SYDE1: variants seen among roughly 807,000 people sequenced by gnomAD.
The protein encoded by SYDE1 is synapse defective Rho GTPase activating protein 1.
In SYDE1, 34 loss-of-function variants were observed where a neutral mutation model predicts 63.3. The ratio of observed to expected loss-of-function variants is 0.54; its 90% CI spans 0.41 to 0.71. The LOEUF (loss-of-function observed/expected upper bound fraction) is 0.71, where lower values mean the gene tolerates loss of function less well. Ranked by LOEUF, SYDE1 falls within the 30% of genes least tolerant of loss-of-function variation. The probability of loss-of-function intolerance (pLI) is 0.00; values close to 1 mark genes in which losing one functional copy is unlikely to be tolerated. For missense variants in SYDE1, 925 were observed against 1,042.5 expected (o/e 0.89, Z 1.55); for synonymous variants, 467 against 473.4 (o/e 0.99, Z 0.18).
chr19:15,113,983 C>A lies in SYDE1; in HGVS notation c.*20C>A, dbSNP rs1353764099. 6.2e-7 allele frequency: 1 copy of A among 1,600,764 alleles called. No individual in the cohort carries two copies. Among genetic ancestry groups the A allele is most frequent in the Non-Finnish European group, 8.5e-7 (1 of 1,171,860 alleles). Reference sequence around the variant, plus strand: ...CTCTGAGCCAGATGACGGGGTGGGACCCCGGTTAGTAAGGACCGGGCGCCC... The same window carrying A: ...CTCTGAGCCAGATGACGGGGTGGGAACCCGGTTAGTAAGGACCGGGCGCCC... On this transcript the variant is annotated 3_prime_UTR_variant, in exon 8 of 8. Transcript: ENST00000342784.
chr19:15,112,664 G>A (rs2046353173), intron 7 of SYDE1, 93 bp downstream of exon 7: 3 of 1,109,370 alleles, frequency 2.7e-6, no homozygotes, highest in South Asian at 3.3e-5. Flanking sequence ...TAGGCTTGAA[G>A]CTACGCCCCC....
rs1324484161 is a variant in SYDE1, at chr19:15,108,495, G to T, written c.89-561G>T. ...CCCAGGATGGCGACAGAGTTTGGAA[G>T]ACAGGAGGGAGGGTAAAAGGGGCAG... On this transcript the variant is annotated intron_variant, in intron 1 of 7. Transcript: ENST00000342784. This position sits in a 1 kb window ranked among gnomAD's most constrained non-coding sequence, Gnocchi z 4.3. Among the ~76,000 whole-genome samples, 1 of 152,172 alleles carries T rather than the reference G, an allele frequency of 6.6e-6. No individual in the cohort carries two copies. Among genetic ancestry groups the T allele is most frequent in the Non-Finnish European group, 1.5e-5 (1 of 68,026 alleles).
chr19:15,109,553 C>T lies in SYDE1; in HGVS notation c.431-151C>T, dbSNP rs561267346. 1.0e-5 allele frequency: 10 copies of T among 996,168 alleles called. No homozygotes were observed. The highest frequency in any genetic ancestry group is 6.9e-5 in the South Asian group (4 of 58,122). The allele number at this position is 996,168 out of a possible 1,614,324, so 61.7% of individuals were successfully genotyped here. ...GAGCACCAGCCTCACATCCCCACCC[C>T]GTCAGATGCTCCCAGAGGAGCATCA... On this transcript the variant is annotated intron_variant, in intron 2 of 7. Transcript: ENST00000342784. The surrounding 1 kb of genome is among the most constrained non-coding windows in gnomAD (Gnocchi z 5.0).
chr19:15,112,697 G>A, intron 7 of SYDE1, 126 bp downstream of exon 7: 1 of 767,572 alleles, frequency 1.3e-6, no homozygotes, highest in East Asian at 2.8e-5. Flanking sequence ...CTGGTACCTG[G>A]TTGCCTCAGC....
chr19:15,113,496 C>T, intron 7 of SYDE1, 64 bp from the exon 8 acceptor site: 1 of 1,491,506 alleles, frequency 6.7e-7, no homozygotes, highest in Non-Finnish European at 8.9e-7. Context: ...GAGCCTAGTT[C>T]CCTAAGCAGC....
Position 15,111,244 on chromosome 19 carries a change from C to T in SYDE1, c.1291-69C>T, listed in dbSNP as rs1171040555. 5.8e-6 allele frequency: 9 copies of T among 1,563,324 alleles called. No homozygotes were observed. The highest frequency in any genetic ancestry group is 2.7e-5 in the African/African-American group (2 of 73,980). Reference sequence around the variant, plus strand: ...CTGCCTGGCCCAGAATTCCAGTGCTCACCCCACTGGGCCCTGATTAGTCTG... The same window carrying T: ...CTGCCTGGCCCAGAATTCCAGTGCTTACCCCACTGGGCCCTGATTAGTCTG... On this transcript the variant is annotated intron_variant, in intron 4 of 7. Transcript: ENST00000342784. The surrounding 1 kb of genome is among the most constrained non-coding windows in gnomAD (Gnocchi z 5.5).
At chr19:15,113,250 G>C (rs944730192) in intron 7 of SYDE1, among the ~76,000 whole-genome samples, 6 of 152,072 alleles carry the variant, frequency 3.9e-5, no homozygotes, top group Non-Finnish European at 7.4e-5. Flanking sequence ...GTGTTGGCCA[G>C]GCTGGTCTTG....
In SYDE1 at chr19:15,113,878, A is replaced by C; in HGVS notation, c.2123A>C (p.Asn708Thr). Residue 708 changes from asparagine (N) to threonine (T), a missense_variant, in exon 8 of 8, where the codon AAC (asparagine) becomes ACC (threonine). Transcript: ENST00000342784. Reference protein sequence around the residue: ...DFEDDFDAPFNPHLNLKDFDA... With the variant: ...DFEDDFDAPFTPHLNLKDFDA... ...GAAGACGACTTCGATGCGCCCTTCA[A>C]CCCGCACCTGAATCTCAAAGACTTC... 1 of 1,614,120 alleles carries C rather than the reference A, an allele frequency of 6.2e-7. No individual in the cohort carries two copies. Among genetic ancestry groups the C allele is most frequent in the South Asian group, 1.1e-5 (1 of 91,066 alleles).
Position 15,111,727 on chromosome 19 carries a change from A to G in SYDE1, c.1513A>G (p.Asn505Asp). ...GGAGGCCATGGCCCGGGACCCCCCAAACAGAGTTCCCCCCACCACTGAGGG... is the reference window on the plus strand; with the variant it reads ...GGAGGCCATGGCCCGGGACCCCCCAGACAGAGTTCCCCCCACCACTGAGGG... ...VLEAMARDPP[N>D]RVPPTTEGTR... Residue 505 changes from asparagine to aspartate, a missense_variant, in exon 6 of 8, where the codon AAC becomes GAC. Around this residue, in one of 3 missense-constraint regions of SYDE1, gnomAD observed 71 missense variants for 132.8 expected, o/e 0.53. Coordinates refer to ENST00000342784, the MANE Select transcript of SYDE1 (RefSeq NM_033025.6). The surrounding 1 kb of genome is among the most constrained non-coding windows in gnomAD (Gnocchi z 5.5). 1.3e-6 allele frequency: 2 copies of G among 1,581,858 alleles called. No individual in the cohort carries two copies. Among genetic ancestry groups the G allele is most frequent in the Non-Finnish European group, 1.7e-6 (2 of 1,156,014 alleles).
rs1599323131 is a variant in SYDE1, at chr19:15,110,359, C to A, written c.1075+11C>A. Reference sequence around the variant, plus strand: ...CCACGGTCTTCCGAGGTAGGACATGCGGCTGCAGGGGAGGAGGGGCAGGGA... The same window carrying A: ...CCACGGTCTTCCGAGGTAGGACATGAGGCTGCAGGGGAGGAGGGGCAGGGA... On this transcript the variant is annotated intron_variant, in intron 3 of 7. Coordinates refer to ENST00000342784, the MANE Select transcript of SYDE1 (RefSeq NM_033025.6). This position sits in a 1 kb window ranked among gnomAD's most constrained non-coding sequence, Gnocchi z 6.9. 3 of 1,434,248 alleles carry A rather than the reference C, an allele frequency of 2.1e-6. No homozygotes were observed. The highest frequency in any genetic ancestry group is 3.0e-5 in the South Asian group (2 of 67,730). The allele number at this position is 1,434,248 out of a possible 1,614,324, so 88.8% of individuals were successfully genotyped here. A position where few individuals can be genotyped will look rare whatever the true frequency, so the allele number is the denominator to read the frequency against.
chr19:15,109,529 AGCACCAGCCTCACATCCCCACCC>A lies in SYDE1; in HGVS notation c.430+133_431-152del, dbSNP rs2046328080. ...ACCTCACACTCCTTCCCTTCAGGGG[AGCACCAGCCTCACATCCCCACCC>A]CGTCAGATGCTCCCAGAGGAGCATC... On this transcript the variant is annotated intron_variant, in intron 2 of 7. Transcript: ENST00000342784. The surrounding 1 kb of genome is among the most constrained non-coding windows in gnomAD (Gnocchi z 5.0). 8.6e-7 allele frequency: 1 copy of A among 1,164,158 alleles called. No individual in the cohort carries two copies. The highest frequency in any genetic ancestry group is 1.2e-6 in the Non-Finnish European group (1 of 847,714). The allele number at this position is 1,164,158 out of a possible 1,614,324, so 72.1% of individuals were successfully genotyped here. A position where few individuals can be genotyped will look rare whatever the true frequency, so the allele number is the denominator to read the frequency against.
In SYDE1 at chr19:15,111,575, C is replaced by T. The variant is rs979243434; in HGVS notation, c.1418-57C>T. 2 of 1,607,756 alleles carry T rather than the reference C, an allele frequency of 1.2e-6. No individual in the cohort carries two copies. The highest frequency in any genetic ancestry group is 1.1e-5 in the South Asian group (1 of 90,460). On this transcript the variant is annotated intron_variant, in intron 5 of 7. Transcript: ENST00000342784. The surrounding 1 kb of genome is among the most constrained non-coding windows in gnomAD (Gnocchi z 5.5). ...ACCTCCTCTTCCCCCTTAGCTGTGC[C>T]CTCCTTAGCCTTAGAAGCCAGTGGT...
Position 15,113,939 on chromosome 19 carries a change from C to A in SYDE1, c.2184C>A (p.Ser728=). 4 of 1,612,924 alleles carry A rather than the reference C, an allele frequency of 2.5e-6. No homozygotes were observed. Among genetic ancestry groups the A allele is most frequent in the Non-Finnish European group, 3.4e-6 (4 of 1,179,270 alleles). The change falls in exon 8 of 8, where the codon TCC becomes TCA. Residue 728 remains serine, a synonymous_variant. Transcript: ENST00000342784. ...TCCTGGATCTGGAGAGAGAGCTCTCCAAGCAAATCAACGTGTGCCTCTGAG... is the reference window on the plus strand; with the variant it reads ...TCCTGGATCTGGAGAGAGAGCTCTCAAAGCAAATCAACGTGTGCCTCTGAG... ...ALILDLEREL[S]KQINVCL is the part of the protein sequence containing the mutation.
Position 15,110,255 on chromosome 19 carries a change from C to A in SYDE1, c.982C>A (p.Leu328Ile). The change falls in exon 3 of 8, where the codon CTC (leucine) becomes ATC (isoleucine). Residue 328 changes from leucine (L) to isoleucine (I), a missense_variant. Around this residue, in one of 3 missense-constraint regions of SYDE1, gnomAD observed 599 missense variants for 653.7 expected, o/e 0.92. Coordinates refer to ENST00000342784, the MANE Select transcript of SYDE1 (RefSeq NM_033025.6). The surrounding 1 kb of genome is among the most constrained non-coding windows in gnomAD (Gnocchi z 6.9). ...CCACCTGGAGCTGGAGGCCGCCAGG[C>A]TCCTGCGCGCCCTGGTGCTTGCGTG... ...TFHLELEAAR[L>I]LRALVLAWDP... 5 of 1,414,406 alleles carry A rather than the reference C, an allele frequency of 3.5e-6. No homozygotes were observed. Among genetic ancestry groups the A allele is most frequent in the Non-Finnish European group, 4.6e-6 (5 of 1,087,580 alleles). The allele number at this position is 1,414,406 out of a possible 1,614,324, so 87.6% of individuals were successfully genotyped here.
chr19:15,111,942 T>C lies in SYDE1; in HGVS notation c.1578+150T>C, dbSNP rs563615989. The C allele has an allele frequency of 1.2e-6, 1 of 862,860 alleles. No homozygotes were observed. The highest frequency in any genetic ancestry group is 2.0e-5 in the South Asian group (1 of 50,892). The allele number at this position is 862,860 out of a possible 1,614,324, so 53.5% of individuals were successfully genotyped here. A position where few individuals can be genotyped will look rare whatever the true frequency, so the allele number is the denominator to read the frequency against. On this transcript the variant is annotated intron_variant, in intron 6 of 7. Coordinates refer to ENST00000342784, the MANE Select transcript of SYDE1 (RefSeq NM_033025.6). This position sits in a 1 kb window ranked among gnomAD's most constrained non-coding sequence, Gnocchi z 5.5. ...TGCTATTAGCATCCCACTTCATAGA[T>C]TTGGAAACTGAGGCCCAAAGCAGGT...
In SYDE1 at chr19:15,113,982, AC is replaced by A. The variant is rs1568330636; in HGVS notation, c.*23del. ...CCTCTGAGCCAGATGACGGGGTGGG[AC>A]CCCGGTTAGTAAGGACCGGGCGCCC... On this transcript the variant is annotated 3_prime_UTR_variant, in exon 8 of 8. Transcript: ENST00000342784. The A allele has an allele frequency of 1.9e-6, 3 of 1,601,444 alleles. No homozygotes were observed. The highest frequency in any genetic ancestry group is 2.6e-6 in the Non-Finnish European group (3 of 1,172,210).
In SYDE1 at chr19:15,109,211, C is replaced by A. The variant is rs999280549; in HGVS notation, c.244C>A (p.Arg82=). The change falls in exon 2 of 8, where the codon CGA becomes AGA. Residue 82 remains arginine, a synonymous_variant. Coordinates refer to ENST00000342784, the MANE Select transcript of SYDE1 (RefSeq NM_033025.6). This position sits in a 1 kb window ranked among gnomAD's most constrained non-coding sequence, Gnocchi z 5.0. ...YLQSLEPSSR[R]WVLGGAKPAE... is the part of the protein sequence containing the mutation. ...GCAAAGCCTGGAGCCCAGTAGCCGC[C>A]GATGGGTGCTGGGTGGGGCCAAGCC... 3 of 1,572,126 alleles carry A rather than the reference C, an allele frequency of 1.9e-6. No individual in the cohort carries two copies. The highest frequency in any genetic ancestry group is 1.9e-5 in the Admixed American group (1 of 52,636).
Position 15,108,856 on chromosome 19 carries a change from AG to A in SYDE1, c.89-195del. On this transcript the variant is annotated intron_variant, in intron 1 of 7. Coordinates refer to ENST00000342784, the MANE Select transcript of SYDE1 (RefSeq NM_033025.6). This position sits in a 1 kb window ranked among gnomAD's most constrained non-coding sequence, Gnocchi z 4.3. Reference sequence around the variant, plus strand: ...CCTTTTGGGATGCCAGGGACTGAGTAGGGGGTGCTCTAAGCTGATAACTGAG... The same window carrying A: ...CCTTTTGGGATGCCAGGGACTGAGTAGGGGTGCTCTAAGCTGATAACTGAG... 1.3e-6 allele frequency: 1 copy of A among 753,998 alleles called. No individual in the cohort carries two copies. Among genetic ancestry groups the A allele is most frequent in the Non-Finnish European group, 1.9e-6 (1 of 519,524 alleles). 46.7% of individuals were successfully genotyped at this position (753,998 alleles called of 1,614,324 possible). A position where few individuals can be genotyped will look rare whatever the true frequency, so the allele number is the denominator to read the frequency against.
In SYDE1 at chr19:15,111,120, G is replaced by A. The variant is rs928952554; in HGVS notation, c.1291-193G>A. On this transcript the variant is annotated intron_variant, in intron 4 of 7. Transcript: ENST00000342784. This position sits in a 1 kb window ranked among gnomAD's most constrained non-coding sequence, Gnocchi z 5.5. ...CCTCAAAGAAGTGTCAGTTTCCTAA[G>A]TCAAAGGAGATGGCAGCCAAGACAA... 1.2e-4 allele frequency among the ~76,000 whole-genome samples: 18 copies of A among 152,268 alleles called. No homozygotes were observed. The South Asian group carries it at 2.1e-3, about 18-fold the overall frequency.
Sources: allele counts gnomAD v4.1 joint callset (sites outside exome capture counted in the v4.1 genomes callset), GRCh38; gene constraint gnomAD v4.1.1; regional missense constraint gnomAD v4.1.1; non-coding constraint Gnocchi (gnomAD v3.1); transcripts MANE v1.5; gene names NCBI Gene and HGNC (gene_info 2026-07-23, HGNC 2026-07-21).